ARFGEF3: variants seen among roughly 807,000 people sequenced by gnomAD.
The protein encoded by ARFGEF3 is ARFGEF family member 3.
Under a neutral mutation model 221.7 loss-of-function variants are expected in ARFGEF3, and 96 were observed. The observed-to-expected ratio is 0.43, with a 90% CI of 0.37 to 0.51. The LOEUF (loss-of-function observed/expected upper bound fraction) is 0.51, where lower values mean the gene tolerates loss of function less well. ARFGEF3 is among the 20% of genes least tolerant of loss of function. The pLI, the probability that ARFGEF3 is intolerant of heterozygous loss-of-function variation, is 0.00. For synonymous variants in ARFGEF3, 1,145 were observed against 1,126.8 expected (o/e 1.02, Z -0.32); for missense variants, 2,410 against 2,789.9 (o/e 0.86, Z 3.07).
In ARFGEF3 at chr6:138,321,950, G is replaced by T. The variant is rs557839049; in HGVS notation, c.4766+725G>T. 2.0e-5 allele frequency among the ~76,000 whole-genome samples: 3 copies of T among 152,200 alleles called. No homozygotes were observed. The South Asian group carries it at 6.2e-4, about 32-fold the overall frequency. ...CAATCATGGCGGAAGGCAAGGAGGA[G>T]CAAGTCACATCTTAATGGATGGTGG... On this transcript the variant is annotated intron_variant, in intron 29 of 33. Transcript: ENST00000251691.
intron 6 of ARFGEF3, among the ~76,000 whole-genome samples, chr6:138,240,420 T>A (rs1778372192): frequency 6.6e-6 from 1 of 152,186 alleles, no homozygotes; most frequent in African/African-American, 2.4e-5. Context: ...TTTTAAAATT[T>A]TTAAGTAGGA....
At chr6:138,188,820 A>G (rs1009884309) in intron 2 of ARFGEF3, among the ~76,000 whole-genome samples, 2 of 152,198 alleles carry the variant, frequency 1.3e-5, no homozygotes, top group African/African-American at 4.8e-5. Context: ...AGAGGGAGGT[A>G]TAGGGTCTGT....
At chr6:138,310,915 G>A (rs549026974) in intron 24 of ARFGEF3, among the ~76,000 whole-genome samples, 70 of 152,304 alleles carry the variant, frequency 4.6e-4, no homozygotes, top group Non-Finnish European at 8.8e-4. Flanking sequence ...TTAGTGCCAC[G>A]CACTGGCAGG....
chr6:138,183,918 C>T (rs78589041), intron 2 of ARFGEF3, among the ~76,000 whole-genome samples: 2,420 of 152,262 alleles, frequency 0.016, 34 homozygotes, highest in Middle Eastern at 0.058. Context: ...CATGTGTCCA[C>T]GCTGGGTCTG....
chr6:138,317,405 G>T, intron 27 of ARFGEF3, 26 bp downstream of exon 27: 1 of 1,613,398 alleles, frequency 6.2e-7, no homozygotes. Context: ...TCCGTCTTTT[G>T]GGGGAGTGGT....
intron 1 of ARFGEF3, among the ~76,000 whole-genome samples, chr6:138,166,587 A>T (rs903173655): frequency 6.6e-6 from 1 of 152,142 alleles, no homozygotes; most frequent in African/African-American, 2.4e-5. Context: ...GTGGCCAGGG[A>T]GTAGAAAGGA....
chr6:138,286,669 T>G (rs747570591), intron 15 of ARFGEF3, 32 bp from the exon 16 acceptor site: 5 of 1,601,944 alleles, frequency 3.1e-6, no homozygotes, highest in Non-Finnish European at 4.3e-6. Flanking sequence ...TTTTTGTCTC[T>G]AGAAAATGAC....
At chr6:138,270,463 C>CACACACAT (rs879929949) in intron 12 of ARFGEF3, among the ~76,000 whole-genome samples, 37 of 123,884 alleles carry the variant, frequency 3.0e-4, no homozygotes, top group African/African-American at 1.4e-3. Context: ...CACACACACA[C>CACACACAT]ATATATATAT....
At chr6:138,178,883 CCT>C (rs1251182832) in intron 2 of ARFGEF3, among the ~76,000 whole-genome samples, 2 of 152,188 alleles carry the variant, frequency 1.3e-5, no homozygotes, top group Non-Finnish European at 2.9e-5. Flanking sequence ...AATTCATTGA[CCT>C]CAGCTAGTGT....
chr6:138,294,718 T>G (rs1161038477), intron 20 of ARFGEF3, among the ~76,000 whole-genome samples: 2 of 152,194 alleles, frequency 1.3e-5, no homozygotes, highest in East Asian at 3.8e-4. Context: ...TGTTCTGAAT[T>G]GTCCAAGGGT....
chr6:138,257,807 T>A (rs1488978674), intron 10 of ARFGEF3, among the ~76,000 whole-genome samples: 1 of 152,240 alleles, frequency 6.6e-6, no homozygotes, highest in Non-Finnish European at 1.5e-5. Context: ...CATTTAACTC[T>A]GAACTTAAGA....
intron 27 of ARFGEF3, among the ~76,000 whole-genome samples, chr6:138,319,351 G>A (rs532678821): frequency 3.4e-4 from 52 of 151,412 alleles, no homozygotes; most frequent in African/African-American, 1.1e-3. Context: ...TCCCCATGTA[G>A]TTAGATTTCA....
At chr6:138,297,339 T>C (rs2114645250) in intron 21 of ARFGEF3, among the ~76,000 whole-genome samples, 1 of 152,324 alleles carries the variant, frequency 6.6e-6, no homozygotes, top group Admixed American at 6.5e-5. Flanking sequence ...TTCTAATAGC[T>C]AAATATACTC....
chr6:138,257,543 G>A (rs1430298169), intron 10 of ARFGEF3, among the ~76,000 whole-genome samples: 1 of 152,198 alleles, frequency 6.6e-6, no homozygotes, highest in Non-Finnish European at 1.5e-5. Flanking sequence ...TTAGGCTTTA[G>A]GAGGTCAAAT....
At chr6:138,196,255 G>GA (rs2114476720) in intron 2 of ARFGEF3, among the ~76,000 whole-genome samples, 1 of 152,276 alleles carries the variant, frequency 6.6e-6, no homozygotes, top group East Asian at 1.9e-4. Context: ...TAGGTCCTAA[G>GA]AAATATGTCA....
At chr6:138,206,076 G>A (rs987870109) in intron 2 of ARFGEF3, among the ~76,000 whole-genome samples, 1 of 152,210 alleles carries the variant, frequency 6.6e-6, no homozygotes, top group Non-Finnish European at 1.5e-5. Flanking sequence ...TTCAGTTTAT[G>A]CTGAAAATAT....
intron 23 of ARFGEF3, among the ~76,000 whole-genome samples, chr6:138,307,672 T>C (rs1482731787): frequency 6.6e-6 from 1 of 152,200 alleles, no homozygotes; most frequent in African/African-American, 2.4e-5. Flanking sequence ...TGAGTTCACG[T>C]CTAAAGCCAA....
chr6:138,257,660 C>T (rs944546529), intron 10 of ARFGEF3, among the ~76,000 whole-genome samples: 8 of 152,132 alleles, frequency 5.3e-5, no homozygotes, highest in Admixed American at 5.2e-4. Context: ...ACATGACTCT[C>T]ACATTGCAGC....
chr6:138,169,395 T>C (rs900895878), intron 1 of ARFGEF3, among the ~76,000 whole-genome samples: 25 of 152,220 alleles, frequency 1.6e-4, no homozygotes, highest in African/African-American at 5.8e-4. Flanking sequence ...CTTTTCCTTT[T>C]CTTCTAGCTT....
Sources: allele counts gnomAD v4.1 joint callset (sites outside exome capture counted in the v4.1 genomes callset), GRCh38; gene constraint gnomAD v4.1.1; transcripts MANE v1.5; gene names NCBI Gene and HGNC (gene_info 2026-07-23, HGNC 2026-07-21).